Variants in SPON1 observed in about 807,000 individuals in gnomAD.
SPON1 encodes the protein spondin 1.
A neutral mutation model predicts 111.7 loss-of-function variants in SPON1; 52 were observed. That is an observed-to-expected ratio of 0.47 (90% CI 0.37 to 0.59). The LOEUF is 0.59. Ranked by LOEUF, SPON1 falls within the 20% of genes least tolerant of loss-of-function variation. The probability of loss-of-function intolerance (pLI) is 0.00; values close to 1 mark genes in which losing one functional copy is unlikely to be tolerated. For missense variants in SPON1, 957 were observed against 1,068.5 expected (o/e 0.90, Z 1.46); for synonymous variants, 410 against 395.8 (o/e 1.04, Z -0.43).
intron 6 of SPON1, among the ~76,000 whole-genome samples, chr11:14,171,183 G>A (rs1354460914): frequency 6.6e-6 from 1 of 152,144 alleles, no homozygotes; most frequent in African/African-American, 2.4e-5. Flanking sequence ...CCTGTTATTG[G>A]TCTATTCAGG....
Position 13,982,934 on chromosome 11 carries a change from A to T in SPON1, c.326A>T (p.Asp109Val). ...AACAGAGAGGGTGATAAGGAAGAAG[A>T]CCATGCTGGGACCTTCCAGGTAAGA... ...RENREGDKEE[D>V]HAGTFQIIDE... Residue 109 changes from aspartate to valine, a missense_variant, in exon 2 of 16, where the codon GAC (aspartate) becomes GTC (valine). By Grantham distance (152) the Asp-to-Val change is radical. This residue lies in a region of SPON1 where 262 missense variants were observed against 253.9 expected (regional missense o/e 1.03). Coordinates refer to ENST00000576479, the MANE Select transcript of SPON1 (RefSeq NM_006108.4). The T allele has an allele frequency of 6.4e-7, 1 of 1,554,790 alleles. No homozygotes were observed. The highest frequency in any genetic ancestry group is 8.7e-7 in the Non-Finnish European group (1 of 1,148,050).
At chr11:14,234,021 A>G (rs1311128150) in intron 6 of SPON1, among the ~76,000 whole-genome samples, 2 of 152,062 alleles carry the variant, frequency 1.3e-5, no homozygotes, top group African/African-American at 4.8e-5. Context: ...TGGCCTCCCA[A>G]AGTGCTGGGA....
At chr11:14,237,021 C>T (rs1266916058) in intron 6 of SPON1, among the ~76,000 whole-genome samples, 4 of 152,156 alleles carry the variant, frequency 2.6e-5, no homozygotes, top group Admixed American at 6.5e-5. Context: ...CAAATATGAG[C>T]TGTTTTATTT....
chr11:14,021,202 A>C (rs906671568), intron 2 of SPON1, among the ~76,000 whole-genome samples: 9 of 152,138 alleles, frequency 5.9e-5, no homozygotes, highest in African/African-American at 2.2e-4. Flanking sequence ...TATAAGCCAC[A>C]GGAGGGAAGC....
intron 6 of SPON1, among the ~76,000 whole-genome samples, chr11:14,137,907 T>A (rs1847610620): frequency 6.6e-6 from 1 of 152,188 alleles, no homozygotes; most frequent in Admixed American, 6.5e-5. Flanking sequence ...TAGGGTGATT[T>A]CAGGATTCCA....
At chr11:14,085,028 G>A (rs1462013481) in intron 5 of SPON1, among the ~76,000 whole-genome samples, 1 of 80,662 alleles carries the variant, frequency 1.2e-5, no homozygotes, top group African/African-American at 3.0e-5. Context: ...TGAGTTCTTT[G>A]TAATTCTGGA....
chr11:14,197,999 T>C (rs1848421610), intron 6 of SPON1, among the ~76,000 whole-genome samples: 1 of 152,178 alleles, frequency 6.6e-6, no homozygotes, highest in Non-Finnish European at 1.5e-5. Flanking sequence ...CCATTGTTAG[T>C]AGCAATTTAG....
intron 5 of SPON1, among the ~76,000 whole-genome samples, chr11:14,101,173 G>A (rs1457791809): frequency 3.3e-5 from 5 of 152,102 alleles, no homozygotes; most frequent in African/African-American, 9.7e-5. Flanking sequence ...GCTGAGGTGG[G>A]CGGATCACCC....
chr11:13,966,447 G>A (rs1007403731), intron 1 of SPON1, among the ~76,000 whole-genome samples: 33 of 152,124 alleles, frequency 2.2e-4, no homozygotes. Flanking sequence ...AATAAAAGAG[G>A]CTCTTTTGTC....
intron 2 of SPON1, among the ~76,000 whole-genome samples, chr11:14,032,241 T>A (rs577300161): frequency 6.6e-6 from 1 of 152,364 alleles, no homozygotes; most frequent in South Asian, 2.1e-4. Flanking sequence ...ATGCACAATC[T>A]AAAATGATAT....
chr11:14,264,127 T>G (rs919916429), intron 15 of SPON1, among the ~76,000 whole-genome samples: 3 of 151,632 alleles, frequency 2.0e-5, no homozygotes, highest in African/African-American at 4.9e-5. Flanking sequence ...GTCCAAGTGA[T>G]AGGTCCAAGT....
At chr11:14,158,742 T>TTTGTAG (rs1847877206) in intron 6 of SPON1, among the ~76,000 whole-genome samples, 2 of 152,306 alleles carry the variant, frequency 1.3e-5, no homozygotes, top group African/African-American at 4.8e-5. Flanking sequence ...TTATTCATTT[T>TTTGTAG]TTGTAGTTGT....
At chr11:13,985,836 C>T (rs782111675) in intron 2 of SPON1, among the ~76,000 whole-genome samples, 2 of 152,248 alleles carry the variant, frequency 1.3e-5, no homozygotes, top group East Asian at 3.9e-4. Context: ...GTTATCTCCT[C>T]ACCCCTGCCC....
At chr11:14,023,993 C>T (rs2133805020) in intron 2 of SPON1, among the ~76,000 whole-genome samples, 1 of 109,518 alleles carries the variant, frequency 9.1e-6, no homozygotes, top group Admixed American at 1.1e-4. Context: ...CAGTGCGAGA[C>T]TCCATCTCAA....
intron 6 of SPON1, among the ~76,000 whole-genome samples, chr11:14,188,389 C>A (rs782699800): frequency 1.3e-5 from 2 of 152,006 alleles, no homozygotes; most frequent in African/African-American, 4.8e-5. Context: ...GAAGAGGTGG[C>A]AGGAAGACAC....
In SPON1 at chr11:14,201,532, G is replaced by A. The variant is rs543918346; in HGVS notation, c.826-41800G>A. Among the ~76,000 whole-genome samples, 546 of 152,008 alleles carry A rather than the reference G, an allele frequency of 3.6e-3. 2 individuals are homozygous for A. Among genetic ancestry groups the A allele is most frequent in the Non-Finnish European group, 6.4e-3 (434 of 67,994 alleles). On this transcript the variant is annotated intron_variant, in intron 6 of 15. Coordinates refer to ENST00000576479, the MANE Select transcript of SPON1 (RefSeq NM_006108.4). Reference sequence around the variant, plus strand: ...TCCCACCTCAGCCTCCCAGGTAGGTGAGATCAGAGGCCTCTGCCACCACAC... The same window carrying A: ...TCCCACCTCAGCCTCCCAGGTAGGTAAGATCAGAGGCCTCTGCCACCACAC...
intron 10 of SPON1, among the ~76,000 whole-genome samples, chr11:14,257,115 T>C (rs1849117760): frequency 6.6e-6 from 1 of 152,186 alleles, no homozygotes; most frequent in South Asian, 2.1e-4. Flanking sequence ...TCTTATGGGA[T>C]CTGGAGCCAG....
chr11:14,245,281 C>G (rs781938431), intron 7 of SPON1, among the ~76,000 whole-genome samples: 1 of 152,122 alleles, frequency 6.6e-6, no homozygotes, highest in Non-Finnish European at 1.5e-5. Flanking sequence ...GCTCATTTAA[C>G]CATTCAGCAA....
chr11:14,092,160 A>G (rs1483971998), intron 5 of SPON1, among the ~76,000 whole-genome samples: 1 of 152,222 alleles, frequency 6.6e-6, no homozygotes, highest in Non-Finnish European at 1.5e-5. Flanking sequence ...GACATTCTTA[A>G]GTGAAACGGA....
Sources: gnomAD v4.1 joint callset for allele counts (sites outside exome capture counted in the v4.1 genomes callset) on GRCh38, gnomAD v4.1.1 for gene constraint, gnomAD v4.1.1 regional missense constraint, MANE v1.5 for transcripts, NCBI Gene and HGNC (gene_info 2026-07-23, HGNC 2026-07-21) for gene names.